The following PPFIA2 variants were observed in gnomAD, a reference collection of about 807,000 sequenced individuals.
PPFIA2 encodes PPFI scaffold protein A2, also known as liprin-alpha-2.
Under a neutral mutation model 175.5 loss-of-function variants are expected in PPFIA2, and 46 were observed. The observed-to-expected ratio is 0.26, with a 90% CI of 0.21 to 0.34. The LOEUF (loss-of-function observed/expected upper bound fraction) is 0.34. PPFIA2 is among the 10% of genes least tolerant of loss of function. The probability of loss-of-function intolerance (pLI) is 1.00; values close to 1 mark genes in which losing one functional copy is unlikely to be tolerated. For synonymous variants in PPFIA2, 568 were observed against 511.4 expected (o/e 1.11, Z -1.49); for missense variants, 1,179 against 1,506.1 (o/e 0.78, Z 3.60).
intron 4 of PPFIA2, among the ~76,000 whole-genome samples, chr12:81,464,603 T>C (rs2055243471): frequency 6.6e-6 from 1 of 152,164 alleles, no homozygotes; most frequent in Non-Finnish European, 1.5e-5. Flanking sequence ...TTCTCTTGTT[T>C]TGATCTCTGC....
intron 4 of PPFIA2, among the ~76,000 whole-genome samples, chr12:81,582,131 T>C (rs2074510945): frequency 6.6e-6 from 1 of 151,910 alleles, no homozygotes; most frequent in Admixed American, 6.6e-5. Flanking sequence ...ACTCCAATAC[T>C]TATTGATTCA....
At chr12:81,705,448 C>T (rs2077011870) in intron 3 of PPFIA2, among the ~76,000 whole-genome samples, 1 of 130,644 alleles carries the variant, frequency 7.7e-6, no homozygotes, top group African/African-American at 2.9e-5. Context: ...CAGAACAAGA[C>T]TAGGTCTCAA....
intron 28 of PPFIA2, 45 bp from the exon 29 acceptor site, chr12:81,268,132 C>CTTTTTT (rs746893824): frequency 1.0e-4 from 64 of 638,056 alleles, no homozygotes; most frequent in African/African-American, 7.8e-4. Context: ...ATTTTTCTTT[C>CTTTTTT]TTTTTTTTTT....
chr12:81,581,340 G>A lies in PPFIA2; in HGVS notation c.303+95451C>T, dbSNP rs528933368. On this transcript the variant is annotated intron_variant, in intron 4 of 32. Transcript: ENST00000549396. The stretch of plus-strand genomic sequence containing the variant: ...GCCAGCCACATTTTCTCTGCCTTGA[G>A]TAGAGGGCTGTGAGTACAGTTAAAC... 7.2e-5 allele frequency among the ~76,000 whole-genome samples: 11 copies of A among 151,846 alleles called. No individual in the cohort carries two copies. In the East Asian group the frequency reaches 1.4e-3, roughly 19 times the overall value.
At chr12:81,494,022 G>GAC (rs2059736580) in intron 4 of PPFIA2, among the ~76,000 whole-genome samples, 1 of 151,670 alleles carries the variant, frequency 6.6e-6, no homozygotes, top group African/African-American at 2.4e-5. Context: ...TACCATTCAG[G>GAC]ACAGGCATGG....
chr12:81,258,030 A>C lies in PPFIA2; in HGVS notation c.*1664T>G, dbSNP rs779302439. 1 of 152,122 alleles carries C rather than the reference A, an allele frequency of 6.6e-6. No individual in the cohort carries two copies. The highest frequency in any genetic ancestry group is 1.5e-5 in the Non-Finnish European group (1 of 67,998). 9.4% of individuals were successfully genotyped at this position (152,122 alleles called of 1,614,324 possible). A position where few individuals can be genotyped will look rare whatever the true frequency, so the allele number is the denominator to read the frequency against. ...TCCTATATTCTATTTCATTTCTATG[A>C]ATCAAGATGCCCATGTTTAGATGAG... On this transcript the variant is annotated 3_prime_UTR_variant, in exon 33 of 33. Coordinates refer to ENST00000549396, the MANE Select transcript of PPFIA2 (RefSeq NM_003625.5).
intron 4 of PPFIA2, among the ~76,000 whole-genome samples, chr12:81,658,380 G>T (rs2068144374): frequency 6.6e-6 from 1 of 151,194 alleles, no homozygotes; most frequent in African/African-American, 2.4e-5. Context: ...AAAGTGCTAA[G>T]AATAGTACTA....
intron 4 of PPFIA2, among the ~76,000 whole-genome samples, chr12:81,521,651 CAAAAAAAA>C (rs1167533871): frequency 3.4e-4 from 30 of 87,510 alleles, no homozygotes; most frequent in Admixed American, 8.0e-4. Context: ...TAATAAAATA[CAAAAAAAA>C]AAAAAAAAAA....
At chr12:81,351,710 C>T (rs897412911) in intron 17 of PPFIA2, among the ~76,000 whole-genome samples, 16 of 137,274 alleles carry the variant, frequency 1.2e-4, no homozygotes, top group Admixed American at 2.3e-4. Flanking sequence ...CCACCCTGGG[C>T]AAGGGAGACT....
chr12:81,533,270 T>C (rs2064856375), intron 4 of PPFIA2, among the ~76,000 whole-genome samples: 2 of 151,814 alleles, frequency 1.3e-5, no homozygotes, highest in Admixed American at 6.6e-5. Context: ...GACATCACAA[T>C]ATTTTAGTAT....
chr12:81,312,293 G>T, intron 22 of PPFIA2: 1 of 919,034 alleles, frequency 1.1e-6, no homozygotes, highest in Non-Finnish European at 1.7e-6. Flanking sequence ...GAAAGCTCAG[G>T]TATGAGAAAG....
At chr12:81,395,086 T>C (rs1167015551) in intron 8 of PPFIA2, among the ~76,000 whole-genome samples, 1 of 151,932 alleles carries the variant, frequency 6.6e-6, no homozygotes, top group Non-Finnish European at 1.5e-5. Context: ...ACTTAGAAAA[T>C]ACCAAGAGTA....
intron 24 of PPFIA2, 110 bp downstream of exon 24, chr12:81,294,725 A>G: frequency 9.8e-7 from 1 of 1,019,474 alleles, no homozygotes; most frequent in Admixed American, 2.1e-5. Flanking sequence ...TCTCTTGAGA[A>G]TAATTCAAGC....
chr12:81,534,127 A>T (rs1331894964), intron 4 of PPFIA2, among the ~76,000 whole-genome samples: 1 of 151,450 alleles, frequency 6.6e-6, no homozygotes, highest in Non-Finnish European at 1.5e-5. Flanking sequence ...CCTTTCATGG[A>T]GGTTGAGAGT....
At chr12:81,335,328 G>A (rs747662037) in intron 21 of PPFIA2, among the ~76,000 whole-genome samples, 11 of 152,162 alleles carry the variant, frequency 7.2e-5, no homozygotes, top group Non-Finnish European at 1.2e-4. Context: ...TTAACAGGAT[G>A]CTATTACATC....
rs569574306 is a variant in PPFIA2, at chr12:81,557,250, G to A, written c.304-99384C>T. Among the ~76,000 whole-genome samples, 605 of 151,348 alleles carry A rather than the reference G, an allele frequency of 4.0e-3. 4 individuals are homozygous for A. The highest frequency in any genetic ancestry group is 0.013 in the African/African-American group (556 of 41,350). ...ATACATAAAAATACAGATATTATAC[G>A]TATGTATAGGTATAATAATATAAAG... is the stretch of plus-strand genomic sequence containing the variant. On this transcript the variant is annotated intron_variant, in intron 4 of 32. Transcript: ENST00000549396.
At chr12:81,492,194 C>T (rs1249600144) in intron 4 of PPFIA2, among the ~76,000 whole-genome samples, 1 of 151,194 alleles carries the variant, frequency 6.6e-6, no homozygotes, top group African/African-American at 2.4e-5. Context: ...AACATCTGCA[C>T]AAAAAAACCC....
intron 4 of PPFIA2, among the ~76,000 whole-genome samples, chr12:81,595,668 G>A (rs2059167094): frequency 6.6e-6 from 1 of 152,126 alleles, no homozygotes; most frequent in Admixed American, 6.6e-5. Flanking sequence ...AATTAAAGAT[G>A]CAATGAAGAG....
In PPFIA2 at chr12:81,339,326, G is replaced by A; in HGVS notation, c.2402C>T (p.Ser801Phe). ...SYHNDARSSL[S>F]VSLEPESLGL... ...GAGGCTTTCTGGCTCAAGAGAGACA[G>A]ATAAACTACTGCAAAACACAAAAGA... Residue 801 changes from serine to phenylalanine, a missense_variant, in exon 21 of 33, where the codon TCT becomes TTT. By Grantham distance (155) the Ser-to-Phe change is radical. Around this residue, in one of 10 missense-constraint regions of PPFIA2, gnomAD observed 223 missense variants for 241.6 expected, o/e 0.92. Coordinates refer to ENST00000549396, the MANE Select transcript of PPFIA2 (RefSeq NM_003625.5). 1 of 1,579,250 alleles carries A rather than the reference G, an allele frequency of 6.3e-7. No homozygotes were observed. The highest frequency in any genetic ancestry group is 1.4e-5 in the African/African-American group (1 of 72,854).
Sources: allele counts gnomAD v4.1 joint callset (sites outside exome capture counted in the v4.1 genomes callset), GRCh38; gene constraint gnomAD v4.1.1; regional missense constraint gnomAD v4.1.1; transcripts MANE v1.5; gene names NCBI Gene and HGNC (gene_info 2026-07-23, HGNC 2026-07-21).